The following PDE2A variants were observed in gnomAD, a reference collection of about 807,000 sequenced individuals.
The protein encoded by PDE2A is cGMP-dependent 3',5'-cyclic phosphodiesterase.
In PDE2A, 53 loss-of-function variants were observed where a neutral mutation model predicts 133.6. The observed-to-expected ratio is 0.40, with a 90% CI of 0.32 to 0.50. The LOEUF is 0.50. PDE2A is among the 20% of genes least tolerant of loss of function. The pLI, the probability that PDE2A is intolerant of heterozygous loss-of-function variation, is 0.73. For missense variants in PDE2A, 796 were observed against 1,232.4 expected, an observed-to-expected ratio of 0.65 and a Z score of 5.30; for synonymous variants, 491 against 490.2, an observed-to-expected ratio of 1.00 and a Z score of -0.02.
rs774028544 is a variant in PDE2A, at chr11:72,584,530, C to T, written c.1537+21G>A. ...CCGCCCGGCGCAGGCCCCGCCCCTC[C>T]GCCCGGGCCGCCACGCGCACCCTGG... On this transcript the variant is annotated intron_variant, in intron 18 of 30. Coordinates refer to ENST00000334456, the MANE Select transcript of PDE2A (RefSeq NM_002599.5). 5.1e-6 allele frequency: 8 copies of T among 1,574,072 alleles called. No homozygotes were observed. In the South Asian group the frequency reaches 9.3e-5, roughly 18 times the overall value.
chr11:72,618,522 G>A (rs1857587017), intron 2 of PDE2A, among the ~76,000 whole-genome samples: 1 of 152,230 alleles, frequency 6.6e-6, no homozygotes, highest in Admixed American at 6.5e-5. Context: ...TCCAGTGAGG[G>A]AGAGAGTTGG....
intron 1 of PDE2A, among the ~76,000 whole-genome samples, chr11:72,656,978 G>A (rs1046959331): frequency 1.3e-5 from 2 of 152,182 alleles, no homozygotes; most frequent in Admixed American, 6.5e-5. Context: ...CTCGAGCCTC[G>A]ATTCCTCCCA....
At position 72,590,850 on chromosome 11, in the gene PDE2A, A is replaced by G; in HGVS notation, c.550-270T>C. 2.4e-6 allele frequency: 1 copy of G among 408,232 alleles called. No homozygotes were observed. Among genetic ancestry groups the G allele is most frequent in the Non-Finnish European group, 4.3e-6 (1 of 233,128 alleles). The allele number at this position is 408,232 out of a possible 1,614,324, so 25.3% of individuals were successfully genotyped here. ...CTAGATTCTTCCAAGACAAGATGTC[A>G]GATTTCTGTCTCCAGCCCCCTCAGG... On this transcript the variant is annotated intron_variant, in intron 7 of 30. Transcript: ENST00000334456. This position sits in a 1 kb window ranked among gnomAD's most constrained non-coding sequence, Gnocchi z 4.8.
chr11:72,577,519 C>G lies in PDE2A; in HGVS notation c.2691G>C (p.Lys897Asn). The change falls in exon 31 of 31, where the codon AAG becomes AAC. Residue 897 changes from lysine (K) to asparagine (N), a missense_variant. Coordinates refer to ENST00000334456, the MANE Select transcript of PDE2A (RefSeq NM_002599.5). ...RVASNREHWT[K>N]VSHKFTIRGL... ...CGCGGATGGTGAACTTGTGGGACAC[C>G]TTGGTCCAGTGCTCACGGTTGGAGG... 1.2e-6 allele frequency: 2 copies of G among 1,613,000 alleles called. No homozygotes were observed. The highest frequency in any genetic ancestry group is 2.2e-5 in the East Asian group (1 of 44,880).
At chr11:72,643,525 T>TC (rs987510901) in intron 1 of PDE2A, 1 of 151,126 alleles carries the variant, frequency 6.6e-6, no homozygotes, top group African/African-American at 2.4e-5. Context: ...GAAGGTAGAG[T>TC]CCCCCGACAG....
Position 72,578,888 on chromosome 11 carries a change from T to C in PDE2A, c.2469+9A>G, listed in dbSNP as rs1855585254. ...CAGCCTGTGCCTTCCCAGGGAGGAC[T>C]ACACCTACCGCGATCTTTCTCGTAG... On this transcript the variant is annotated intron_variant, in intron 28 of 30. Transcript: ENST00000334456. This position sits in a 1 kb window ranked among gnomAD's most constrained non-coding sequence, Gnocchi z 4.2. 2 of 1,585,306 alleles carry C rather than the reference T, an allele frequency of 1.3e-6. No homozygotes were observed. The highest frequency in any genetic ancestry group is 1.7e-6 in the Non-Finnish European group (2 of 1,154,012).
intron 4 of PDE2A, among the ~76,000 whole-genome samples, chr11:72,603,387 C>T (rs1435501900): frequency 6.6e-6 from 1 of 152,154 alleles, no homozygotes; most frequent in Non-Finnish European, 1.5e-5. Flanking sequence ...TGAGCCCTCT[C>T]AAAAATGCCT....
At chr11:72,638,450 A>C (rs1427674900) in intron 2 of PDE2A, among the ~76,000 whole-genome samples, 1 of 152,192 alleles carries the variant, frequency 6.6e-6, no homozygotes, top group Non-Finnish European at 1.5e-5. Flanking sequence ...CAGAGCTCAC[A>C]TTCTGGTAGG....
chr11:72,583,670 C>T (rs408269), intron 19 of PDE2A, 155 bp from the exon 20 acceptor site: 618,480 of 622,788 alleles, frequency 0.99, 307,209 homozygotes, highest in East Asian at 1. Context: ...AGTAAAGACC[C>T]CACCCCCACT....
Position 72,590,341 on chromosome 11 carries a change from G to C in PDE2A, c.703+86C>G. ...TCAGCTCCGCGCCGGGCCCGCCGCC[G>C]GCTCCCGGGATCGCCTAACCCGCCC... On this transcript the variant is annotated intron_variant, in intron 8 of 30. Transcript: ENST00000334456. The surrounding 1 kb of genome is among the most constrained non-coding windows in gnomAD (Gnocchi z 4.8). 6.5e-7 allele frequency: 1 copy of C among 1,537,692 alleles called. No homozygotes were observed. The highest frequency in any genetic ancestry group is 8.8e-7 in the Non-Finnish European group (1 of 1,135,746).
chr11:72,583,327 T>G, intron 20 of PDE2A, 111 bp downstream of exon 20: 1 of 768,144 alleles, frequency 1.3e-6, no homozygotes, highest in Non-Finnish European at 2.3e-6. Context: ...AGGCCTGCTG[T>G]GGCTCTGGGC....
chr11:72,593,143 C>T (rs1312219554), intron 6 of PDE2A, among the ~76,000 whole-genome samples: 4 of 151,334 alleles, frequency 2.6e-5, no homozygotes, highest in African/African-American at 9.8e-5. Flanking sequence ...CAGGCCCTCA[C>T]ACACATGCAC....
Position 72,590,018 on chromosome 11 carries a change from G to T in PDE2A, c.757-37C>A. ...ACAGGCAGGGCGAGGGGGTGACCGC[G>T]GATCCGGGTCACCCCACTCCCCACC... On this transcript the variant is annotated intron_variant, in intron 9 of 30. Transcript: ENST00000334456. This position sits in a 1 kb window ranked among gnomAD's most constrained non-coding sequence, Gnocchi z 4.8. The T allele has an allele frequency of 6.4e-7, 1 of 1,570,576 alleles. No individual in the cohort carries two copies. Among genetic ancestry groups the T allele is most frequent in the South Asian group, 1.1e-5 (1 of 87,204 alleles).
chr11:72,669,043 G>A lies in PDE2A; in HGVS notation c.71+5094C>T. 8 of 801,108 alleles carry A rather than the reference G, an allele frequency of 1.0e-5. 1 individual carries two copies. The South Asian group carries it at 4.4e-4, about 44-fold the overall frequency. 49.6% of individuals were successfully genotyped at this position (801,108 alleles called of 1,614,324 possible). On this transcript the variant is annotated intron_variant, in intron 1 of 30. Transcript: ENST00000334456. ...GCACCTGCCGCATGCCAGGGGCTAA[G>A]CTCTGCACTTCCAGATTCTTCAGAA... is the stretch of plus-strand genomic sequence containing the variant.
At chr11:72,621,898 G>A (rs1029936256) in intron 2 of PDE2A, 2 of 152,154 alleles carry the variant, frequency 1.3e-5, no homozygotes, top group African/African-American at 2.4e-5. Flanking sequence ...ATATTTCAGC[G>A]AAGCAACCTA....
intron 1 of PDE2A, among the ~76,000 whole-genome samples, chr11:72,646,253 A>C (rs2135443062): frequency 6.6e-6 from 1 of 152,230 alleles, no homozygotes; most frequent in African/African-American, 2.4e-5. Flanking sequence ...TCCTGGGCCC[A>C]CTCAACCTCA....
chr11:72,652,698 G>A (rs1343239867), intron 1 of PDE2A: 1 of 456,264 alleles, frequency 2.2e-6, no homozygotes, highest in African/African-American at 2.0e-5. Flanking sequence ...CTGAGGCCCT[G>A]GGACCTGAGG....
rs1855495344 is a variant in PDE2A at position 72,576,849 on chromosome 11, TCC to T, written c.*533_*534del. The T allele has an allele frequency of 1.2e-5, 2 of 169,498 alleles. No individual in the cohort carries two copies. Among genetic ancestry groups the T allele is most frequent in the African/African-American group, 4.8e-5 (2 of 41,500 alleles). The allele number at this position is 169,498 out of a possible 1,614,324, so 10.5% of individuals were successfully genotyped here. ...GGCCCCTGTATCCCCCAGGTCCCAATCCCACCATCAGTATAGTAGTGGTCCTC... is the reference window on the plus strand; with the variant it reads ...GGCCCCTGTATCCCCCAGGTCCCAATCACCATCAGTATAGTAGTGGTCCTC... On this transcript the variant is annotated 3_prime_UTR_variant, in exon 31 of 31. Transcript: ENST00000334456.
rs918355731 is a variant in PDE2A, at chr11:72,576,664, G to A, written c.*720C>T. On this transcript the variant is annotated 3_prime_UTR_variant, in exon 31 of 31. Coordinates refer to ENST00000334456, the MANE Select transcript of PDE2A (RefSeq NM_002599.5). ...TTGGCCCAGACAGGGGAAGAGACTC[G>A]CCCAGCGTCACACAGGCAGGAGGAA... 2 of 169,424 alleles carry A rather than the reference G, an allele frequency of 1.2e-5. No homozygotes were observed. Among genetic ancestry groups the A allele is most frequent in the South Asian group, 2.0e-4 (1 of 4,926 alleles). 10.5% of individuals were successfully genotyped at this position (169,424 alleles called of 1,614,324 possible).
Sources: gnomAD v4.1 joint callset for allele counts (sites outside exome capture counted in the v4.1 genomes callset) on GRCh38, gnomAD v4.1.1 for gene constraint, Gnocchi (gnomAD v3.1) non-coding constraint, MANE v1.5 for transcripts, NCBI Gene and HGNC (gene_info 2026-07-23, HGNC 2026-07-21) for gene names.